The following ABCC4 variants were observed in gnomAD, a reference collection of about 807,000 sequenced individuals.
The protein encoded by ABCC4 is ATP-binding cassette sub-family C member 4.
Under a neutral mutation model 168.5 loss-of-function variants are expected in ABCC4, and 102 were observed. The observed-to-expected ratio is 0.61, with a 90% CI of 0.52 to 0.71. The LOEUF (loss-of-function observed/expected upper bound fraction) is 0.71, where lower values mean the gene tolerates loss of function less well. Among genes scored for constraint, ABCC4 ranks in the 30% least tolerant of loss-of-function variants. The pLI, the probability that ABCC4 is intolerant of heterozygous loss-of-function variation, is 0.00. For synonymous variants in ABCC4, 617 were observed against 590.7 expected, an observed-to-expected ratio of 1.04 and a Z score of -0.65; for missense variants, 1,402 against 1,605.8, an observed-to-expected ratio of 0.87 and a Z score of 2.17.
chr13:95,101,513 C>G (rs1263327821), intron 20 of ABCC4, among the ~76,000 whole-genome samples: 1 of 152,144 alleles, frequency 6.6e-6, no homozygotes, highest in East Asian at 1.9e-4. Flanking sequence ...ATGCCTAAAT[C>G]CAACCTCTGC....
At chr13:95,211,611 A>G (rs1412035445) in intron 4 of ABCC4, among the ~76,000 whole-genome samples, 1 of 152,050 alleles carries the variant, frequency 6.6e-6, no homozygotes, top group Non-Finnish European at 1.5e-5. Flanking sequence ...AGCTTATGGA[A>G]ATGGGGCTGA....
At position 95,247,672 on chromosome 13, in the gene ABCC4, G is replaced by A. The variant is rs781200232; in HGVS notation, c.156C>T (p.Arg52=). 2.7e-5 allele frequency: 43 copies of A among 1,613,868 alleles called. No individual in the cohort carries two copies. Among genetic ancestry groups the A allele is most frequent in the Non-Finnish European group, 3.6e-5 (43 of 1,179,956 alleles). ...DDMYSVLPED[R]SQHLGEELQG... The stretch of plus-strand genomic sequence containing the variant: ...GCAACTCCTCTCCAAGGTGCTGTGA[G>A]CGGTCTTCTGGCAGCACTGAATACA... The change falls in exon 2 of 31, where the codon CGC becomes CGT. Residue 52 remains arginine, a synonymous_variant. Coordinates refer to ENST00000645237, the MANE Select transcript of ABCC4 (RefSeq NM_005845.5).
At chr13:95,299,573 T>C (rs1418947035) in intron 1 of ABCC4, among the ~76,000 whole-genome samples, 1 of 152,176 alleles carries the variant, frequency 6.6e-6, no homozygotes, top group Non-Finnish European at 1.5e-5. Flanking sequence ...CGATTTTTTT[T>C]TAGCTCATCA....
intron 16 of ABCC4, 99 bp from the exon 17 acceptor site, chr13:95,163,746 T>A: frequency 1.9e-6 from 2 of 1,049,218 alleles, no homozygotes; most frequent in East Asian, 2.6e-5. Context: ...AAGAAAGCCC[T>A]CAAAGCCGGG....
chr13:95,290,152 TA>T (rs1304912670), intron 1 of ABCC4, among the ~76,000 whole-genome samples: 2 of 146,114 alleles, frequency 1.4e-5, no homozygotes, highest in East Asian at 2.0e-4. Context: ...AGATAGATGA[TA>T]GATAGATAGA....
intron 19 of ABCC4, among the ~76,000 whole-genome samples, chr13:95,122,843 C>G (rs1160803817): frequency 6.6e-6 from 1 of 152,182 alleles, no homozygotes; most frequent in African/African-American, 2.4e-5. Context: ...GGGAAGCTAA[C>G]CCCGACTCTA....
At chr13:95,218,923 G>GAGAGAGAGAGAA (rs2039209095) in intron 4 of ABCC4, among the ~76,000 whole-genome samples, 1 of 43,514 alleles carries the variant, frequency 2.3e-5, no homozygotes, top group Non-Finnish European at 4.9e-5. Flanking sequence ...GAGAGAGAAA[G>GAGAGAGAGAGAA]AAAGAGAAAG....
chr13:95,115,027 T>A (rs546398296), intron 20 of ABCC4, among the ~76,000 whole-genome samples: 33 of 152,220 alleles, frequency 2.2e-4, no homozygotes, highest in African/African-American at 7.7e-4. Flanking sequence ...CAGCTGAGAT[T>A]TTGGAATATG....
In ABCC4 at chr13:95,177,748, G is replaced by C. The variant is rs1471264824; in HGVS notation, c.1686C>G (p.Leu562=). The part of the protein sequence containing the change: ...DADIYLLDDP[L]SAVDAEVSRH... ...TGCTAACTTCCGCATCTACTGCACTGAGAGGATCGTCCAGGAGATAGATGT... is the reference window on the plus strand; with the variant it reads ...TGCTAACTTCCGCATCTACTGCACTCAGAGGATCGTCCAGGAGATAGATGT... The change falls in exon 13 of 31, where the codon CTC becomes CTG. Residue 562 remains leucine (L), a synonymous_variant. Coordinates refer to ENST00000645237, the MANE Select transcript of ABCC4 (RefSeq NM_005845.5). 2 of 1,612,014 alleles carry C rather than the reference G, an allele frequency of 1.2e-6. No individual in the cohort carries two copies. The highest frequency in any genetic ancestry group is 4.5e-5 in the East Asian group (2 of 44,800).
intron 19 of ABCC4, among the ~76,000 whole-genome samples, chr13:95,124,276 C>T (rs1368447495): frequency 6.6e-6 from 1 of 152,196 alleles, no homozygotes; most frequent in Non-Finnish European, 1.5e-5. Context: ...CGGCTTCTGC[C>T]TGTGTGTGCA....
In ABCC4 at chr13:95,074,252, A is replaced by T; in HGVS notation, c.2879T>A (p.Val960Asp). 1.2e-6 allele frequency: 2 copies of T among 1,614,072 alleles called. No homozygotes were observed. Among genetic ancestry groups the T allele is most frequent in the Non-Finnish European group, 1.7e-6 (2 of 1,179,974 alleles). ...VRLDAICAMFVIIVAFGSLIL... is the reference protein window; with the variant it reads ...VRLDAICAMFDIIVAFGSLIL... ...CAGGGACCCAAAGGCAACGATGATG[A>T]CAAACATGGCACAGATGGCATCCAG... Residue 960 changes from valine to aspartate, a missense_variant, in exon 23 of 31, where the codon GTC (valine) becomes GAC (aspartate). By Grantham distance (152) the Val-to-Asp change is radical. Coordinates refer to ENST00000645237, the MANE Select transcript of ABCC4 (RefSeq NM_005845.5).
At position 95,044,361 on chromosome 13, in the gene ABCC4, A is replaced by G. The variant is rs1168133939; in HGVS notation, c.3534T>C (p.Ser1178=). The change falls in exon 28 of 31, where the codon AGT becomes AGC. Residue 1178 remains serine (S), a synonymous_variant. Transcript: ENST00000645237. ...TELAESGSNF[S]VGQRQLVCLA... Reference sequence around the variant, plus strand: ...GGCACACCAGTTGTCTTTGTCCAACACTAAAATTGGATCCTGATTCTGCTA... The same window carrying G: ...GGCACACCAGTTGTCTTTGTCCAACGCTAAAATTGGATCCTGATTCTGCTA... The G allele has an allele frequency of 6.2e-7, 1 of 1,613,942 alleles. No individual in the cohort carries two copies. The highest frequency in any genetic ancestry group is 8.5e-7 in the Non-Finnish European group (1 of 1,179,916).
chr13:95,149,568 C>T (rs1012907986), intron 19 of ABCC4, among the ~76,000 whole-genome samples: 1 of 152,064 alleles, frequency 6.6e-6, no homozygotes, highest in Non-Finnish European at 1.5e-5. Context: ...ATAATGACTA[C>T]TTTTAAAAAA....
intron 20 of ABCC4, among the ~76,000 whole-genome samples, chr13:95,114,347 A>G (rs1054994691): frequency 7.2e-5 from 11 of 152,196 alleles, no homozygotes; most frequent in Non-Finnish European, 1.6e-4. Context: ...TGCTAAGCAC[A>G]TAGTGGGCCA....
chr13:95,062,168 C>T (rs2139286548), intron 26 of ABCC4, among the ~76,000 whole-genome samples: 1 of 152,210 alleles, frequency 6.6e-6, no homozygotes, highest in Non-Finnish European at 1.5e-5. Flanking sequence ...TTCTTCCTTG[C>T]TATTCTTTAA....
At chr13:95,064,587 C>T (rs2033458289) in intron 25 of ABCC4, among the ~76,000 whole-genome samples, 2 of 151,556 alleles carry the variant, frequency 1.3e-5, no homozygotes, top group South Asian at 4.2e-4. Flanking sequence ...TAGACAAATG[C>T]TGTGTTTTTG....
At chr13:95,184,143 C>G (rs1009807959) in intron 11 of ABCC4, among the ~76,000 whole-genome samples, 2 of 152,222 alleles carry the variant, frequency 1.3e-5, no homozygotes, top group Non-Finnish European at 2.9e-5. Context: ...CAGAAGCCCG[C>G]AGGTGCCTGG....
intron 12 of ABCC4, 39 bp downstream of exon 12, chr13:95,177,958 A>T: frequency 1.2e-6 from 2 of 1,603,612 alleles, no homozygotes; most frequent in Non-Finnish European, 1.7e-6. Flanking sequence ...GGAAGGTATC[A>T]AAAGACACCG....
chr13:95,215,804 G>A (rs899493501), intron 4 of ABCC4, among the ~76,000 whole-genome samples: 4 of 152,166 alleles, frequency 2.6e-5, no homozygotes, highest in Non-Finnish European at 4.4e-5. Flanking sequence ...AATAATTTGC[G>A]AGTTATAGCT....
Sources: gnomAD v4.1 joint callset for allele counts (sites outside exome capture counted in the v4.1 genomes callset) on GRCh38, gnomAD v4.1.1 for gene constraint, MANE v1.5 for transcripts, NCBI Gene and HGNC (gene_info 2026-07-23, HGNC 2026-07-21) for gene names.